The following USP14 variants were observed in gnomAD, a reference collection of about 807,000 sequenced individuals.
The protein encoded by USP14 is ubiquitin specific peptidase 14.
USP14 carries 38 observed loss-of-function variants against 76.5 expected under a neutral mutation model. The observed-to-expected ratio is 0.50, with a 90% confidence interval of 0.38 to 0.65. The LOEUF (loss-of-function observed/expected upper bound fraction) is 0.65. Among genes scored for constraint, USP14 ranks in the 30% least tolerant of loss-of-function variants. USP14 has a pLI of 0.00. For synonymous variants in USP14, 192 were observed against 191.7 expected, an observed-to-expected ratio of 1.00 and a Z score of -0.01; for missense variants, 467 against 586.5, an observed-to-expected ratio of 0.80 and a Z score of 2.10.
At chr18:178,356 T>C (rs1909688070) in intron 3 of USP14, among the ~76,000 whole-genome samples, 1 of 152,152 alleles carries the variant, frequency 6.6e-6, no homozygotes, top group Non-Finnish European at 1.5e-5. Flanking sequence ...AGAGAGATAA[T>C]GCCACTAAAT....
At chr18:171,025 A>AAAAAATATATATAT (rs1327304974) in intron 3 of USP14, among the ~76,000 whole-genome samples, 4 of 47,650 alleles carry the variant, frequency 8.4e-5, no homozygotes, top group African/African-American at 3.5e-4. Context: ...AAAAAAAAAA[A>AAAAAATATATATAT]ATATATATAT....
intron 3 of USP14, among the ~76,000 whole-genome samples, chr18:170,978 C>T (rs1409544505): frequency 7.3e-6 from 1 of 136,676 alleles, no homozygotes; most frequent in Non-Finnish European, 1.5e-5. Context: ...GTGTAACAAG[C>T]ATGCACATCC....
Position 163,327 on chromosome 18 carries a change from G to A in USP14, c.36G>A (p.Lys12=), listed in dbSNP as rs1909176444. 6.2e-7 allele frequency: 1 copy of A among 1,609,144 alleles called. No individual in the cohort carries two copies. The highest frequency in any genetic ancestry group is 2.2e-5 in the East Asian group (1 of 44,832). Residue 12 remains lysine, a synonymous_variant, in exon 2 of 16, where the codon AAG becomes AAA. Coordinates refer to ENST00000261601, the MANE Select transcript of USP14 (RefSeq NM_005151.4). ...TTGCAGTTACTGTAAAATGGGGAAAGGAGAAATTTGAAGGTGTAGAATTGA... is the reference window on the plus strand; with the variant it reads ...TTGCAGTTACTGTAAAATGGGGAAAAGAGAAATTTGAAGGTGTAGAATTGA... ...PLYSVTVKWG[K]EKFEGVELNT...
intron 1 of USP14, chr18:159,046 G>T: frequency 3.6e-6 from 1 of 273,986 alleles, no homozygotes; most frequent in Non-Finnish European, 6.8e-6. Flanking sequence ...GCTGGGCCAG[G>T]CTGGAGGTGC....
At chr18:179,169 T>A in intron 4 of USP14, 132 bp downstream of exon 4, 1 of 599,026 alleles carries the variant, frequency 1.7e-6, no homozygotes, top group Non-Finnish European at 2.8e-6. Context: ...TTTTTAGCAG[T>A]AAATAAGAGT....
At chr18:206,043 A>G (rs962956283) in intron 13 of USP14, among the ~76,000 whole-genome samples, 2 of 152,234 alleles carry the variant, frequency 1.3e-5, no homozygotes, top group African/African-American at 2.4e-5. Context: ...GTTTTAATGT[A>G]AACGTAAGTT....
At position 207,077 on chromosome 18, in the gene USP14, TGCCC is replaced by T; in HGVS notation, c.1164+2386_1164+2389del. 6.1e-5 allele frequency among the ~76,000 whole-genome samples: 9 copies of T among 146,562 alleles called. 1 individual carries two copies. The highest frequency in any genetic ancestry group is 1.9e-4 in the East Asian group (1 of 5,190). On this transcript the variant is annotated intron_variant, in intron 13 of 15. Transcript: ENST00000261601. ...ACCATTTTTTAAGAAGACTGTTCTTTGCCCATCAGATGGTCTTGGAACCTTTGTA... is the reference window on the plus strand; with the variant it reads ...ACCATTTTTTAAGAAGACTGTTCTTTATCAGATGGTCTTGGAACCTTTGTA...
chr18:204,445 T>G, intron 12 of USP14, 119 bp from the exon 13 acceptor site: 2 of 950,872 alleles, frequency 2.1e-6, no homozygotes, highest in Non-Finnish European at 2.9e-6. Flanking sequence ...CAAGTGATTT[T>G]CACAGATTTT....
At chr18:162,945 G>T (rs1337029335) in intron 1 of USP14, 1 of 159,802 alleles carries the variant, frequency 6.3e-6, no homozygotes, top group African/African-American at 2.4e-5. Context: ...TTACAGGCGT[G>T]CGCCACCACA....
Position 196,754 on chromosome 18 carries a change from A to G in USP14, c.581A>G (p.Gln194Arg), listed in dbSNP as rs752108484. 6 of 1,613,826 alleles carry G rather than the reference A, an allele frequency of 3.7e-6. No individual in the cohort carries two copies. The Admixed American group carries it at 5.0e-5, about 13-fold the overall frequency. Residue 194 changes from glutamine to arginine, a missense_variant, in exon 7 of 16, where the codon CAG (glutamine) becomes CGG (arginine). Gln to Arg is a conservative substitution (Grantham distance 43). Coordinates refer to ENST00000261601, the MANE Select transcript of USP14 (RefSeq NM_005151.4). The part of the protein sequence containing the change: ...PQFAEKGEQG[Q>R]YLQQDANECW... ...TTTGCCGAGAAAGGTGAACAAGGAC[A>G]GTATCTTCAACAGGTAATTAGGGCA...
chr18:177,013 A>T (rs1909645513), intron 3 of USP14, among the ~76,000 whole-genome samples: 1 of 152,148 alleles, frequency 6.6e-6, no homozygotes, highest in Non-Finnish European at 1.5e-5. Context: ...GAATTTCATT[A>T]AATTTATATA....
intron 14 of USP14, 160 bp downstream of exon 14, chr18:210,191 T>G: frequency 1.4e-6 from 1 of 708,226 alleles, no homozygotes; most frequent in Non-Finnish European, 2.3e-6. Flanking sequence ...ATTTACTCAT[T>G]GGCATACAGT....
chr18:195,920 T>C (rs1910217750), intron 6 of USP14, among the ~76,000 whole-genome samples: 1 of 152,160 alleles, frequency 6.6e-6, no homozygotes, highest in Non-Finnish European at 1.5e-5. Context: ...CAGAAGTTGT[T>C]TACAGCTAGT....
intron 5 of USP14, among the ~76,000 whole-genome samples, chr18:183,287 A>G (rs182627268): frequency 3.7e-4 from 54 of 147,706 alleles, no homozygotes; most frequent in Non-Finnish European, 4.5e-5. Context: ...CTTGATTTTT[A>G]TTCTTTTCTG....
At chr18:178,359 C>T (rs976854538) in intron 3 of USP14, among the ~76,000 whole-genome samples, 2 of 152,092 alleles carry the variant, frequency 1.3e-5, no homozygotes, top group African/African-American at 4.8e-5. Flanking sequence ...GAGATAATGC[C>T]ACTAAATGTT....
In USP14 at chr18:213,168, T is replaced by TTGTC. The variant is rs1038670957; in HGVS notation, c.*1886_*1889dup. 14 of 152,208 alleles carry TTGTC rather than the reference T, an allele frequency of 9.2e-5. No homozygotes were observed. The highest frequency in any genetic ancestry group is 5.2e-4 in the Admixed American group (8 of 15,284). The allele number at this position is 152,208 out of a possible 1,614,324, so 9.4% of individuals were successfully genotyped here. On this transcript the variant is annotated 3_prime_UTR_variant, in exon 16 of 16. Transcript: ENST00000261601. The stretch of plus-strand genomic sequence containing the variant: ...AACTTTGCAAAGTCTTTTTTATTCA[T>TTGTC]TGTCTCATTTGGTCAGAACAATTTT...
At chr18:159,034 G>GA (rs1354273587) in intron 1 of USP14, 2 of 296,614 alleles carry the variant, frequency 6.7e-6, no homozygotes, top group Non-Finnish European at 1.2e-5. Context: ...GTGTCCTGGG[G>GA]CGCTGGGCCA....
chr18:178,028 TA>T (rs1232215100), intron 3 of USP14, among the ~76,000 whole-genome samples: 3 of 152,128 alleles, frequency 2.0e-5, no homozygotes, highest in Non-Finnish European at 4.4e-5. Context: ...GTTTGTTTGT[TA>T]TATTTTTTGA....
In USP14 at chr18:192,594, G is replaced by A. The variant is rs552451867; in HGVS notation, c.405-248G>A. 1.1e-4 allele frequency among the ~76,000 whole-genome samples: 17 copies of A among 152,100 alleles called. 1 individual carries two copies. The highest frequency in any genetic ancestry group is 9.8e-4 in the Admixed American group (15 of 15,278). ...AAATAAAAAATAAAATAAAATGTTCGTTTTATATGAGTTTGACAAAGGGAA... is the reference window on the plus strand; with the variant it reads ...AAATAAAAAATAAAATAAAATGTTCATTTTATATGAGTTTGACAAAGGGAA... On this transcript the variant is annotated intron_variant, in intron 5 of 15. Coordinates refer to ENST00000261601, the MANE Select transcript of USP14 (RefSeq NM_005151.4).
Sources: gnomAD v4.1 joint callset for allele counts (sites outside exome capture counted in the v4.1 genomes callset) on GRCh38, gnomAD v4.1.1 for gene constraint, MANE v1.5 for transcripts, NCBI Gene and HGNC (gene_info 2026-07-23, HGNC 2026-07-21) for gene names.